Variants in ZBBX observed in about 807,000 individuals in gnomAD.
ZBBX encodes the protein zinc finger B-box domain-containing protein 1.
In ZBBX, 101 loss-of-function variants were observed where a neutral mutation model predicts 108.5. The ratio of observed to expected loss-of-function variants is 0.93; its 90% CI spans 0.79 to 1.10. The LOEUF (loss-of-function observed/expected upper bound fraction) is 1.10. ZBBX is among the 50% of genes least tolerant of loss of function. The pLI, the probability that ZBBX is intolerant of heterozygous loss-of-function variation, is 0.00. For missense variants in ZBBX, 1,009 were observed against 941.4 expected (o/e 1.07, Z -0.94); for synonymous variants, 356 against 323.4 (o/e 1.10, Z -1.08).
At chr3:167,397,142 TAAAAAA>T (rs61671930) in intron 1 of ZBBX, among the ~76,000 whole-genome samples, 2,591 of 72,404 alleles carry the variant, frequency 0.036, 182 homozygotes, top group African/African-American at 0.13. Flanking sequence ...TTCTTGGTGG[TAAAAAA>T]AAAAAAAAAA....
intron 17 of ZBBX, among the ~76,000 whole-genome samples, chr3:167,302,459 A>T (rs929970415): frequency 2.0e-5 from 3 of 151,780 alleles, no homozygotes; most frequent in Non-Finnish European, 4.4e-5. Context: ...ATTTTTTTTT[A>T]AATTAGTGCT....
chr3:167,312,630 T>C (rs927827013), intron 16 of ZBBX, among the ~76,000 whole-genome samples: 1 of 152,168 alleles, frequency 6.6e-6, no homozygotes, highest in African/African-American at 2.4e-5. Flanking sequence ...AATGTGTCTT[T>C]AAAGTAACAA....
the ZBBX span, among the ~76,000 whole-genome samples, chr3:167,209,496 C>T: frequency 6.6e-6 from 1 of 152,124 alleles, no homozygotes; most frequent in Admixed American, 6.6e-5. Flanking sequence ...AAGGCAGTAC[C>T]TCTATGAGTC....
intron 19 of ZBBX, among the ~76,000 whole-genome samples, chr3:167,288,441 A>G (rs1458283641): frequency 1.3e-5 from 2 of 152,186 alleles, no homozygotes; most frequent in African/African-American, 4.8e-5. Context: ...CCAGCAAGAA[A>G]CAGCATCTTA....
chr3:167,324,234 T>A (rs1736975075), intron 11 of ZBBX, among the ~76,000 whole-genome samples: 1 of 151,952 alleles, frequency 6.6e-6, no homozygotes, highest in African/African-American at 2.4e-5. Flanking sequence ...AACTTTGAAA[T>A]TCTGAGCTCA....
intron 2 of ZBBX, among the ~76,000 whole-genome samples, chr3:167,376,077 G>A (rs1746912383): frequency 6.6e-6 from 1 of 152,164 alleles, no homozygotes; most frequent in Non-Finnish European, 1.5e-5. Context: ...AGAATCTACA[G>A]CAGGCGTCTC....
chr3:167,375,496 G>T (rs991781637), intron 2 of ZBBX, among the ~76,000 whole-genome samples: 1 of 151,962 alleles, frequency 6.6e-6, no homozygotes, highest in African/African-American at 2.4e-5. Flanking sequence ...GGAGGCTGAG[G>T]CACGAGAATC....
At chr3:167,243,282 T>C (rs1382172233) in intron 20 of ZBBX, among the ~76,000 whole-genome samples, 10 of 152,356 alleles carry the variant, frequency 6.6e-5, no homozygotes, top group Non-Finnish European at 1.5e-4. Flanking sequence ...TCATTGTATA[T>C]TAGAAAGGCT....
intron 20 of ZBBX, among the ~76,000 whole-genome samples, chr3:167,262,557 T>C (rs1462420566): frequency 6.6e-6 from 1 of 152,180 alleles, no homozygotes; most frequent in East Asian, 1.9e-4. Context: ...GGTTTCACTC[T>C]TGTTGCCCAG....
chr3:167,342,482 C>T (rs1253437323), intron 9 of ZBBX, among the ~76,000 whole-genome samples: 1 of 151,614 alleles, frequency 6.6e-6, no homozygotes, highest in African/African-American at 2.4e-5. Flanking sequence ...AAATACAAAA[C>T]CATTCCAAAA....
intron 9 of ZBBX, among the ~76,000 whole-genome samples, chr3:167,339,260 T>C (rs955919625): frequency 3.3e-5 from 5 of 152,128 alleles, no homozygotes; most frequent in African/African-American, 7.2e-5. Flanking sequence ...TGCCTCCCCT[T>C]AGCTTAAGTT....
chr3:167,353,640 T>C (rs1448557573), intron 8 of ZBBX, among the ~76,000 whole-genome samples: 1 of 152,076 alleles, frequency 6.6e-6, no homozygotes, highest in Non-Finnish European at 1.5e-5. Flanking sequence ...TTGTACCAAC[T>C]AAATCTATAA....
the ZBBX span, among the ~76,000 whole-genome samples, chr3:167,191,934 T>TATATATATAGAGAGAGAG: frequency 7.7e-6 from 1 of 130,224 alleles, no homozygotes; most frequent in African/African-American, 3.0e-5. Context: ...TATATATATA[T>TATATATATAGAGAGAGAG]AGAGCAAGTT....
At chr3:167,211,552 G>A in the ZBBX span, among the ~76,000 whole-genome samples, 2,039 of 152,238 alleles carry the variant, frequency 0.013, 22 homozygotes, top group South Asian at 0.026. Context: ...TAGCAGTAGC[G>A]GCATTGCACC....
At chr3:167,231,931 C>T in the ZBBX span, among the ~76,000 whole-genome samples, 60,873 of 151,564 alleles carry the variant, frequency 0.4, 12,562 homozygotes, top group Non-Finnish European at 0.45. Flanking sequence ...AATAATTTTT[C>T]TAAATCTAAT....
chr3:167,319,855 G>T (rs1039678941), intron 12 of ZBBX, among the ~76,000 whole-genome samples: 3 of 151,970 alleles, frequency 2.0e-5, no homozygotes, highest in African/African-American at 7.2e-5. Context: ...GTAAGTGAAA[G>T]AAATTTGTCA....
At chr3:167,312,553 A>T (rs1734769975) in intron 16 of ZBBX, among the ~76,000 whole-genome samples, 1 of 152,098 alleles carries the variant, frequency 6.6e-6, no homozygotes, top group African/African-American at 2.4e-5. Flanking sequence ...GTATATAGGA[A>T]CTCTCTGTAC....
intron 8 of ZBBX, 139 bp from the exon 9 acceptor site, chr3:167,350,654 T>C (rs977780219): frequency 3.3e-5 from 16 of 484,588 alleles, no homozygotes; most frequent in Admixed American, 2.4e-4. Flanking sequence ...GAGAAGCCTG[T>C]CCCAGGCTTC....
At chr3:167,348,552 T>C (rs1228090142) in intron 9 of ZBBX, among the ~76,000 whole-genome samples, 4 of 151,976 alleles carry the variant, frequency 2.6e-5, no homozygotes, top group Non-Finnish European at 2.9e-5. Flanking sequence ...TTGGAGACTA[T>C]TTCAAAATGT....
Sources: allele counts gnomAD v4.1 joint callset (sites outside exome capture counted in the v4.1 genomes callset), GRCh38; gene constraint gnomAD v4.1.1; transcripts MANE v1.5; gene names NCBI Gene and HGNC (gene_info 2026-07-23, HGNC 2026-07-21).